ANO2: variants seen among roughly 807,000 people sequenced by gnomAD.
ANO2 encodes anoctamin 2.
In ANO2, 101 loss-of-function variants were observed where a neutral mutation model predicts 124.2. The observed-to-expected ratio is 0.81, with a 90% confidence interval of 0.69 to 0.96. The LOEUF (loss-of-function observed/expected upper bound fraction) is 0.96, where lower values mean the gene tolerates loss of function less well. Among genes scored for constraint, ANO2 ranks in the 40% least tolerant of loss-of-function variants. ANO2 has a pLI of 0.00. For synonymous variants in ANO2, 486 were observed against 482.5 expected (o/e 1.01, Z -0.09); for missense variants, 1,293 against 1,274.5 (o/e 1.01, Z -0.22).
At chr12:5,946,033 C>T, upstream of ANO2, 1 of 1,275,646 alleles carries the variant, frequency 7.8e-7, no homozygotes, top group Non-Finnish European at 1.1e-6. This position sits in a 1 kb window ranked among gnomAD's most constrained non-coding sequence, Gnocchi z 4.1. Flanking sequence ...GGCCCTTCTG[C>T]ACGATGGAAT....
At chr12:5,917,563 TTC>T (rs1335818906) in intron 3 of ANO2, among the ~76,000 whole-genome samples, 3 of 109,944 alleles carry the variant, frequency 2.7e-5, no homozygotes, top group Non-Finnish European at 4.5e-5. Context: ...ATTCTCTTTT[TTC>T]TTTTTTTTTT....
intron 7 of ANO2, among the ~76,000 whole-genome samples, chr12:5,821,104 A>T (rs1392510633): frequency 6.6e-6 from 1 of 152,188 alleles, no homozygotes; most frequent in African/African-American, 2.4e-5. Context: ...CATTACATTG[A>T]TGACATTATG....
rs1463974056 is a variant in ANO2 at position 5,945,211 on chromosome 12, T to C, written c.7A>G (p.Thr3Ala). 7.8e-7 allele frequency: 1 copy of C among 1,287,714 alleles called. No homozygotes were observed. The highest frequency in any genetic ancestry group is 1.0e-6 in the Non-Finnish European group (1 of 987,886). 79.8% of individuals were successfully genotyped at this position (1,287,714 alleles called of 1,614,324 possible). Residue 3 changes from threonine (T) to alanine (A), a missense_variant, in exon 1 of 25, where the codon ACT becomes GCT. Physicochemically the swap from Thr to Ala is moderately conservative, Grantham distance 58. Transcript: ENST00000682330. Reference sequence around the variant, plus strand: ...GAAAACTCACCGCGCGGCCCGGGAGTCGCCATGATGTGGACGCAGACCCCG... The same window carrying C: ...GAAAACTCACCGCGCGGCCCGGGAGCCGCCATGATGTGGACGCAGACCCCG... MA[T>A]PGPRDIPLLP...
At chr12:5,584,600 G>C (rs1344496092) in intron 20 of ANO2, among the ~76,000 whole-genome samples, 1 of 152,172 alleles carries the variant, frequency 6.6e-6, no homozygotes, top group Non-Finnish European at 1.5e-5. Flanking sequence ...CACAGCAGGG[G>C]AAGGTCATAA....
At chr12:5,760,357 A>G (rs1163668342) in intron 10 of ANO2, among the ~76,000 whole-genome samples, 4 of 152,216 alleles carry the variant, frequency 2.6e-5, no homozygotes, top group African/African-American at 7.2e-5. Context: ...AAAGCCTGTG[A>G]GATAAAACAC....
In ANO2 at chr12:5,908,406, TCAAC is replaced by T. The variant is rs201122436; in HGVS notation, c.534+12630_534+12633del. Reference sequence around the variant, plus strand: ...GAATAATCAATTCCTGAGTGGAAACTCAACAAGGCAGTAATACGAACACCAGCAG... The same window carrying T: ...GAATAATCAATTCCTGAGTGGAAACTAAGGCAGTAATACGAACACCAGCAG... On this transcript the variant is annotated intron_variant, in intron 3 of 24. Coordinates refer to ENST00000682330, the MANE Select transcript of ANO2 (RefSeq NM_001364791.2). The surrounding 1 kb of genome is among the most constrained non-coding windows in gnomAD (Gnocchi z 4.7). 0.011 allele frequency among the ~76,000 whole-genome samples: 1,729 copies of T among 152,266 alleles called. 35 individuals are homozygous for T. Among genetic ancestry groups the T allele is most frequent in the African/African-American group, 0.039 (1,637 of 41,566 alleles).
chr12:5,875,205 C>T (rs58378360), intron 3 of ANO2, among the ~76,000 whole-genome samples: 4,518 of 152,284 alleles, frequency 0.03, 231 homozygotes, highest in African/African-American at 0.1. Context: ...CCAATAAATG[C>T]TTGTCCTCTT....
At chr12:5,863,737 G>A (rs949023827) in intron 3 of ANO2, among the ~76,000 whole-genome samples, 1 of 152,044 alleles carries the variant, frequency 6.6e-6, no homozygotes, top group African/African-American at 2.4e-5. Flanking sequence ...CCTCAAAAAG[G>A]CTAGAGGGAA....
intron 14 of ANO2, among the ~76,000 whole-genome samples, chr12:5,709,672 C>T (rs1949739368): frequency 6.6e-6 from 1 of 152,222 alleles, no homozygotes; most frequent in Non-Finnish European, 1.5e-5. Flanking sequence ...GCTCTGTGTT[C>T]ATTCGCAGTC....
intron 16 of ANO2, among the ~76,000 whole-genome samples, chr12:5,623,635 C>T (rs1322431947): frequency 1.3e-5 from 2 of 152,196 alleles, no homozygotes; most frequent in African/African-American, 4.8e-5. Flanking sequence ...CCTATGGAAA[C>T]AGCATGGCCA....
At chr12:5,660,695 A>G (rs1391904200) in intron 14 of ANO2, among the ~76,000 whole-genome samples, 1 of 152,130 alleles carries the variant, frequency 6.6e-6, no homozygotes, top group East Asian at 1.9e-4. Context: ...GGAACTTCAA[A>G]TCTCATTCAA....
intron 14 of ANO2, among the ~76,000 whole-genome samples, chr12:5,715,621 G>C (rs926006930): frequency 6.6e-6 from 1 of 152,194 alleles, no homozygotes; most frequent in Non-Finnish European, 1.5e-5. Flanking sequence ...ACTGTCAATG[G>C]GAGAGCTCTT....
At chr12:5,724,461 C>A (rs1950354207) in intron 14 of ANO2, among the ~76,000 whole-genome samples, 1 of 152,146 alleles carries the variant, frequency 6.6e-6, no homozygotes, top group Non-Finnish European at 1.5e-5. Context: ...GACCCTCATC[C>A]CCTGCTCAAT....
At chr12:5,889,997 G>A (rs1450001147) in intron 3 of ANO2, among the ~76,000 whole-genome samples, 1 of 151,878 alleles carries the variant, frequency 6.6e-6, no homozygotes, top group Admixed American at 6.6e-5. Flanking sequence ...ATGGGAAATA[G>A]GACTCACCAG....
rs780138252 is a variant in ANO2 at position 5,658,584 on chromosome 12, T to TATC, written c.1546-10786_1546-10784dup. ...ACATCAATATTATCATTGTCATCAA[T>TATC]ATCATCATCATCATCATTATCATCA... On this transcript the variant is annotated intron_variant, in intron 14 of 24. Coordinates refer to ENST00000682330, the MANE Select transcript of ANO2 (RefSeq NM_001364791.2). The surrounding 1 kb of genome is among the most constrained non-coding windows in gnomAD (Gnocchi z 4.3). 6.6e-6 allele frequency among the ~76,000 whole-genome samples: 1 copy of TATC among 151,722 alleles called. No individual in the cohort carries two copies. The highest frequency in any genetic ancestry group is 2.4e-5 in the African/African-American group (1 of 41,200).
intron 16 of ANO2, among the ~76,000 whole-genome samples, chr12:5,631,947 C>T (rs1467899645): frequency 6.6e-6 from 1 of 152,100 alleles, no homozygotes; most frequent in Non-Finnish European, 1.5e-5. Flanking sequence ...TGGGGATTTC[C>T]AAGCTAGAGG....
chr12:5,913,687 T>G (rs1199383326), intron 3 of ANO2, among the ~76,000 whole-genome samples: 2 of 152,232 alleles, frequency 1.3e-5, no homozygotes, highest in Non-Finnish European at 2.9e-5. Context: ...CCAAGCCACT[T>G]GGCCTGTCTC....
At chr12:5,807,260 G>A in intron 8 of ANO2, 53 bp downstream of exon 8, 1 of 1,489,592 alleles carries the variant, frequency 6.7e-7, no homozygotes, top group Non-Finnish European at 9.1e-7. Flanking sequence ...AAAAGTTGTG[G>A]TTTTCAAAGT....
intron 19 of ANO2, among the ~76,000 whole-genome samples, chr12:5,605,135 C>A (rs1944156379): frequency 1.3e-5 from 2 of 152,230 alleles, no homozygotes; most frequent in South Asian, 4.1e-4. Flanking sequence ...ATAAAGAAGG[C>A]AGAACCTAGC....
Sources: allele counts gnomAD v4.1 joint callset (sites outside exome capture counted in the v4.1 genomes callset), GRCh38; gene constraint gnomAD v4.1.1; non-coding constraint Gnocchi (gnomAD v3.1); transcripts MANE v1.5; gene names NCBI Gene and HGNC (gene_info 2026-07-23, HGNC 2026-07-21).